The following ANKS1B variants were observed in gnomAD, a reference collection of about 807,000 sequenced individuals.
The protein encoded by ANKS1B is ankyrin repeat and sterile alpha motif domain containing 1B.
A neutral mutation model predicts 148.3 loss-of-function variants in ANKS1B; 36 were observed. The observed-to-expected ratio is 0.24, with a 90% CI of 0.19 to 0.32. The LOEUF (loss-of-function observed/expected upper bound fraction) is 0.32, where lower values mean the gene tolerates loss of function less well. ANKS1B is among the 10% of genes least tolerant of loss of function. The pLI is 1.00. For missense variants in ANKS1B, 1,157 were observed against 1,542.6 expected, an observed-to-expected ratio of 0.75 and a Z score of 4.19; for synonymous variants, 542 against 560.8, an observed-to-expected ratio of 0.97 and a Z score of 0.47.
intron 17 of ANKS1B, among the ~76,000 whole-genome samples, chr12:98,860,090 A>C (rs60899172): frequency 5.8e-4 from 88 of 152,400 alleles, no homozygotes; most frequent in African/African-American, 2.0e-3. Flanking sequence ...TTCCGAGATG[A>C]TTTCAAAAAA....
chr12:99,205,912 GC>G (rs2082615937), intron 14 of ANKS1B, among the ~76,000 whole-genome samples: 1 of 152,178 alleles, frequency 6.6e-6, no homozygotes, highest in Admixed American at 6.5e-5. Flanking sequence ...GTTGAGGCAT[GC>G]CTCAGGTGTC....
At chr12:99,665,632 G>A (rs1260235550) in intron 8 of ANKS1B, among the ~76,000 whole-genome samples, 1 of 151,770 alleles carries the variant, frequency 6.6e-6, no homozygotes, top group Non-Finnish European at 1.5e-5. Context: ...GACTACAGGC[G>A]CCCACCACCA....
At chr12:99,463,276 G>A (rs1483142440) in intron 10 of ANKS1B, among the ~76,000 whole-genome samples, 2 of 152,200 alleles carry the variant, frequency 1.3e-5, no homozygotes, top group Non-Finnish European at 2.9e-5. Flanking sequence ...GTGAAGACAA[G>A]ATATTCACAA....
chr12:99,307,374 AAT>A (rs989031762), intron 12 of ANKS1B, among the ~76,000 whole-genome samples: 3 of 152,190 alleles, frequency 2.0e-5, no homozygotes, highest in African/African-American at 7.2e-5. Flanking sequence ...TTGACACTGG[AAT>A]AGAGAAAGGG....
intron 10 of ANKS1B, among the ~76,000 whole-genome samples, chr12:99,474,195 T>A (rs979005768): frequency 2.0e-5 from 3 of 152,092 alleles, no homozygotes; most frequent in African/African-American, 7.2e-5. Context: ...CCTTGTCCAT[T>A]TTCGTATGTA....
intron 17 of ANKS1B, among the ~76,000 whole-genome samples, chr12:99,000,755 T>G (rs180768882): frequency 8.5e-5 from 13 of 152,284 alleles, no homozygotes; most frequent in African/African-American, 2.6e-4. Flanking sequence ...CAATTTCCCA[T>G]CCTTGCACCC....
At chr12:99,002,346 C>T (rs947294588) in intron 17 of ANKS1B, among the ~76,000 whole-genome samples, 6 of 152,168 alleles carry the variant, frequency 3.9e-5, no homozygotes, top group East Asian at 1.9e-4. Context: ...GTCTGTTAAA[C>T]CCCAGCTTCC....
intron 25 of ANKS1B, among the ~76,000 whole-genome samples, chr12:98,769,654 A>ATAT (rs748878444): frequency 3.3e-5 from 5 of 152,126 alleles, no homozygotes; most frequent in Non-Finnish European, 7.4e-5. Flanking sequence ...TATATATATC[A>ATAT]CACACACGTA....
intron 9 of ANKS1B, among the ~76,000 whole-genome samples, chr12:99,580,669 C>T (rs986836467): frequency 7.2e-5 from 11 of 152,060 alleles, no homozygotes; most frequent in African/African-American, 2.7e-4. Context: ...GGAATAAGTT[C>T]TATTGTTCAA....
chr12:99,073,549 G>T (rs1224091866), intron 16 of ANKS1B, among the ~76,000 whole-genome samples: 5 of 152,202 alleles, frequency 3.3e-5, no homozygotes, highest in Non-Finnish European at 7.3e-5. Flanking sequence ...CCCGGTGGCT[G>T]CTGGACAGCT....
intron 9 of ANKS1B, among the ~76,000 whole-genome samples, chr12:99,604,828 A>AAAAAG (rs1241052725): frequency 1.3e-5 from 2 of 151,220 alleles, no homozygotes; most frequent in African/African-American, 4.8e-5. Flanking sequence ...AAAAAAAAAA[A>AAAAAG]AAAAGAAAAG....
chr12:99,523,983 C>G (rs1400603715), intron 9 of ANKS1B, among the ~76,000 whole-genome samples: 1 of 152,212 alleles, frequency 6.6e-6, no homozygotes, highest in Non-Finnish European at 1.5e-5. Context: ...AATATATTCA[C>G]TGCTTCCTGA....
rs375672810 is a variant in ANKS1B at position 99,314,382 on chromosome 12, A to T, written c.1757-67518T>A. ...GATTCAATGCCATTCCCATCAAACT[A>T]ACATCGACATTCTTCACAGAATTAG... is the stretch of plus-strand genomic sequence containing the variant. On this transcript the variant is annotated intron_variant, in intron 12 of 26. Transcript: ENST00000683438. Among the ~76,000 whole-genome samples the T allele has an allele frequency of 1.1e-3, 175 of 152,342 alleles. 4 individuals are homozygous for T. In the South Asian group the frequency reaches 0.034, roughly 30 times the overall value.
At chr12:99,288,091 C>T (rs1264685552) in intron 12 of ANKS1B, among the ~76,000 whole-genome samples, 3 of 151,958 alleles carry the variant, frequency 2.0e-5, no homozygotes, top group Admixed American at 6.6e-5. Context: ...AAATTTAACC[C>T]AAAGAAGACT....
chr12:99,767,284 CA>C (rs1383625781), intron 8 of ANKS1B, among the ~76,000 whole-genome samples: 1 of 151,954 alleles, frequency 6.6e-6, no homozygotes, highest in Non-Finnish European at 1.5e-5. Flanking sequence ...CCTTTCAAAC[CA>C]AAAGCTTTAG....
chr12:99,086,734 A>G lies in ANKS1B; in HGVS notation c.2527-1711T>C, dbSNP rs148572224. ...TAGATTTTAATCTTTCACGGTTTGT[A>G]AGACAGAGTTTCTCTTTAAATTGAG... On this transcript the variant is annotated intron_variant, in intron 15 of 26. Transcript: ENST00000683438. Among the ~76,000 whole-genome samples the G allele has an allele frequency of 5.6e-4, 86 of 152,338 alleles. 1 individual carries two copies. Among genetic ancestry groups the G allele is most frequent in the Non-Finnish European group, 1.1e-3 (75 of 68,028 alleles).
At chr12:99,659,756 G>C (rs2098467188) in intron 8 of ANKS1B, among the ~76,000 whole-genome samples, 1 of 152,066 alleles carries the variant, frequency 6.6e-6, no homozygotes, top group South Asian at 2.1e-4. Context: ...CAATAAAATA[G>C]AGTAAGAATT....
At chr12:98,983,202 T>C (rs2099916215) in intron 17 of ANKS1B, among the ~76,000 whole-genome samples, 2 of 152,192 alleles carry the variant, frequency 1.3e-5, no homozygotes, top group South Asian at 2.1e-4. Flanking sequence ...CTGACTCTTA[T>C]CTAGAGGCGC....
intron 22 of ANKS1B, among the ~76,000 whole-genome samples, chr12:98,792,278 CAG>C (rs2098878991): frequency 6.6e-6 from 1 of 152,082 alleles, no homozygotes; most frequent in Non-Finnish European, 1.5e-5. Flanking sequence ...TAGTTGAAAA[CAG>C]ATATTTCTTT....
Sources: gnomAD v4.1 joint callset for allele counts (sites outside exome capture counted in the v4.1 genomes callset) on GRCh38, gnomAD v4.1.1 for gene constraint, MANE v1.5 for transcripts, NCBI Gene and HGNC (gene_info 2026-07-23, HGNC 2026-07-21) for gene names.